RSBN1L: variants seen among roughly 807,000 people sequenced by gnomAD.
RSBN1L encodes round spermatid basic protein 1 like, also known as lysine-specific demethylase RSBN1L.
Under a neutral mutation model 67.7 loss-of-function variants are expected in RSBN1L, and 30 were observed. The ratio of observed to expected loss-of-function variants is 0.44; its 90% CI spans 0.33 to 0.60. RSBN1L has a LOEUF of 0.60. Ranked by LOEUF, RSBN1L falls within the 20% of genes least tolerant of loss-of-function variation. The pLI is 0.02. For missense variants in RSBN1L, 992 were observed against 1,031.7 expected, an observed-to-expected ratio of 0.96 and a Z score of 0.53; for synonymous variants, 433 against 387.0, an observed-to-expected ratio of 1.12 and a Z score of -1.39.
At chr7:77,737,444 A>G (rs1373805159) in intron 2 of RSBN1L, among the ~76,000 whole-genome samples, 1 of 152,224 alleles carries the variant, frequency 6.6e-6, no homozygotes, top group Admixed American at 6.5e-5. Flanking sequence ...GATAAAGAGT[A>G]TTAGATTCTG....
chr7:77,756,970 T>A (rs1161516666), intron 3 of RSBN1L, among the ~76,000 whole-genome samples: 2 of 152,234 alleles, frequency 1.3e-5, no homozygotes, highest in Admixed American at 1.3e-4. Context: ...CTGATGGTAC[T>A]GACCACCAAT....
intron 5 of RSBN1L, among the ~76,000 whole-genome samples, chr7:77,771,509 C>CTT (rs1491523735): frequency 1.0e-5 from 1 of 97,066 alleles, no homozygotes. Flanking sequence ...TCCTCAGCGA[C>CTT]TCTTTTTTTT....
In RSBN1L at chr7:77,780,946, G is replaced by A. The variant is rs180766794; in HGVS notation, c.*1778G>A. ...TGCAAATCTATTTTGTTTGTTTTTG[G>A]TATTATTCTGGGCACATACTTTGGT... On this transcript the variant is annotated 3_prime_UTR_variant, in exon 8 of 8. Coordinates refer to ENST00000334955, the MANE Select transcript of RSBN1L (RefSeq NM_198467.3). 6.6e-6 allele frequency: 1 copy of A among 152,124 alleles called. No homozygotes were observed. Among genetic ancestry groups the A allele is most frequent in the African/African-American group, 2.4e-5 (1 of 41,428 alleles). 9.4% of individuals were successfully genotyped at this position (152,124 alleles called of 1,614,324 possible).
chr7:77,720,558 A>T (rs1278617226), intron 1 of RSBN1L, among the ~76,000 whole-genome samples: 2 of 149,438 alleles, frequency 1.3e-5, no homozygotes, highest in Non-Finnish European at 3.0e-5. Context: ...AAACTCCGTT[A>T]AAAAAAAAAT....
rs746577613 is a variant in RSBN1L, at chr7:77,749,887, C to G, written c.1167C>G (p.Phe389Leu). The change falls in exon 3 of 8, where the codon TTC becomes TTG. Residue 389 changes from phenylalanine (F) to leucine (L), a missense_variant. Phe to Leu is a conservative substitution (Grantham distance 22). Coordinates refer to ENST00000334955, the MANE Select transcript of RSBN1L (RefSeq NM_198467.3). ...RFAEEFVGLV[F>L]SENENSAAFY... is the part of the protein sequence containing the mutation. ...CAGAAGAGTTTGTGGGTCTAGTGTT[C>G]AGTGAAAATGAAAACTCTGCAGCTT... 1 of 1,614,126 alleles carries G rather than the reference C, an allele frequency of 6.2e-7. No individual in the cohort carries two copies. Among genetic ancestry groups the G allele is most frequent in the South Asian group, 1.1e-5 (1 of 91,052 alleles).
intron 2 of RSBN1L, among the ~76,000 whole-genome samples, chr7:77,747,370 C>T (rs1791498536): frequency 1.3e-5 from 2 of 152,210 alleles, no homozygotes; most frequent in Non-Finnish European, 2.9e-5. Context: ...TGTGGCAGCT[C>T]CTCCCATCAC....
chr7:77,742,580 G>A (rs770237572), intron 2 of RSBN1L, among the ~76,000 whole-genome samples: 2 of 152,048 alleles, frequency 1.3e-5, no homozygotes, highest in African/African-American at 2.4e-5. Flanking sequence ...GCTCACACCT[G>A]TAATCCCAGC....
At chr7:77,720,031 T>C (rs946831871) in intron 1 of RSBN1L, among the ~76,000 whole-genome samples, 2 of 152,228 alleles carry the variant, frequency 1.3e-5, no homozygotes, top group Non-Finnish European at 2.9e-5. Flanking sequence ...TCCAAAGTGC[T>C]GGGATTGCAG....
chr7:77,697,115 G>GC, intron 1 of RSBN1L, 60 bp downstream of exon 1: 1 of 1,305,972 alleles, frequency 7.7e-7, no homozygotes, highest in Non-Finnish European at 9.7e-7. Context: ...GCCCCCTGGC[G>GC]CCCACGGGGC....
At chr7:77,741,858 A>G (rs1366245535) in intron 2 of RSBN1L, among the ~76,000 whole-genome samples, 2 of 152,122 alleles carry the variant, frequency 1.3e-5, no homozygotes, top group African/African-American at 4.8e-5. Flanking sequence ...GAAATGAGCG[A>G]GAGATTACAT....
At chr7:77,747,554 C>A (rs552664008) in intron 2 of RSBN1L, among the ~76,000 whole-genome samples, 1 of 152,190 alleles carries the variant, frequency 6.6e-6, no homozygotes. Context: ...AGCCATAAGT[C>A]TTGGTGGCTC....
At chr7:77,703,977 T>C (rs1287355621) in intron 1 of RSBN1L, among the ~76,000 whole-genome samples, 1 of 152,194 alleles carries the variant, frequency 6.6e-6, no homozygotes, top group African/African-American at 2.4e-5. Flanking sequence ...TGAGCTGATA[T>C]ACATCCGTTA....
chr7:77,778,771 C>T lies in RSBN1L; in HGVS notation c.2144C>T (p.Thr715Ile), dbSNP rs967938824. The T allele has an allele frequency of 1.9e-6, 3 of 1,614,036 alleles. No homozygotes were observed. The highest frequency in any genetic ancestry group is 3.3e-4 in the Middle Eastern group (2 of 6,084). The stretch of plus-strand genomic sequence containing the variant: ...GAAACAGGCACATCATCAGATTCCA[C>T]ATCATCTGTTCTTGGACCTCACACT... ...THETGTSSDS[T>I]SSVLGPHTDN... Residue 715 changes from threonine (T) to isoleucine (I), a missense_variant, in exon 8 of 8, where the codon ACA becomes ATA. Physicochemically the swap from Thr to Ile is moderately conservative, Grantham distance 89. Around this residue, in one of 7 missense-constraint regions of RSBN1L, gnomAD observed 199 missense variants for 167.7 expected, o/e 1.19. Coordinates refer to ENST00000334955, the MANE Select transcript of RSBN1L (RefSeq NM_198467.3).
intron 5 of RSBN1L, 73 bp downstream of exon 5, chr7:77,768,876 TGGA>T (rs1298042127): frequency 1.5e-5 from 21 of 1,360,814 alleles, no homozygotes; most frequent in Non-Finnish European, 2.1e-5. Context: ...AGTTGAAAAT[TGGA>T]GGAAGGAGGA....
chr7:77,766,387 G>A (rs1487073155), intron 4 of RSBN1L, among the ~76,000 whole-genome samples: 3 of 152,140 alleles, frequency 2.0e-5, no homozygotes, highest in Admixed American at 2.0e-4. Context: ...GTTTCACCAT[G>A]TTGCTCAGGC....
At chr7:77,745,527 A>G (rs1456900333) in intron 2 of RSBN1L, among the ~76,000 whole-genome samples, 2 of 152,182 alleles carry the variant, frequency 1.3e-5, no homozygotes, top group Non-Finnish European at 2.9e-5. Flanking sequence ...TAACTTTTGT[A>G]ACATATGACT....
intron 3 of RSBN1L, among the ~76,000 whole-genome samples, chr7:77,760,063 G>T (rs1791679505): frequency 6.6e-6 from 1 of 152,096 alleles, no homozygotes; most frequent in Non-Finnish European, 1.5e-5. Flanking sequence ...CCCCCTTGCA[G>T]CAGTTTTCGT....
At chr7:77,703,080 G>A (rs1003676978) in intron 1 of RSBN1L, among the ~76,000 whole-genome samples, 3 of 152,112 alleles carry the variant, frequency 2.0e-5, no homozygotes, top group African/African-American at 7.2e-5. Flanking sequence ...CTTCATGGGG[G>A]AAGAAAGCTA....
chr7:77,780,985 T>C lies in RSBN1L; in HGVS notation c.*1817T>C, dbSNP rs947753850. The stretch of plus-strand genomic sequence containing the variant: ...ACATACTTTGGTTGATGACTTTCAA[T>C]TGGGGTTCTTTGTGCTGCCTTTTGG... On this transcript the variant is annotated 3_prime_UTR_variant, in exon 8 of 8. Coordinates refer to ENST00000334955, the MANE Select transcript of RSBN1L (RefSeq NM_198467.3). 2.6e-5 allele frequency: 4 copies of C among 152,270 alleles called. No homozygotes were observed. The highest frequency in any genetic ancestry group is 2.9e-5 in the Non-Finnish European group (2 of 68,052). The allele number at this position is 152,270 out of a possible 1,614,324, so 9.4% of individuals were successfully genotyped here.
Sources: gnomAD v4.1 joint callset for allele counts (sites outside exome capture counted in the v4.1 genomes callset) on GRCh38, gnomAD v4.1.1 for gene constraint, gnomAD v4.1.1 regional missense constraint, MANE v1.5 for transcripts, NCBI Gene and HGNC (gene_info 2026-07-23, HGNC 2026-07-21) for gene names.